PRRC2C: variants seen among roughly 807,000 people sequenced by gnomAD.
The protein encoded by PRRC2C is protein PRRC2C.
A neutral mutation model predicts 317.2 loss-of-function variants in PRRC2C; 72 were observed. That is an observed-to-expected ratio of 0.23 (90% confidence interval 0.19 to 0.28). The LOEUF is 0.28. Ranked by LOEUF, PRRC2C falls within the 10% of genes least tolerant of loss-of-function variation. The pLI is 1.00. For synonymous variants in PRRC2C, 1,296 were observed against 1,205.9 expected, an observed-to-expected ratio of 1.07 and a Z score of -1.55; for missense variants, 3,074 against 3,459.7, an observed-to-expected ratio of 0.89 and a Z score of 2.80.
Position 171,536,030 on chromosome 1 carries a change from A to T in PRRC2C, c.2045A>T (p.Glu682Val). ...SLPPRFQRQQEQMKQQQWQQQ... is the reference protein window; with the variant it reads ...SLPPRFQRQQVQMKQQQWQQQ... ...AGATATGGGATCTTACTTTTTCAGGAACAGATGAAACAGCAGCAGTGGCAG... is the reference window on the plus strand; with the variant it reads ...AGATATGGGATCTTACTTTTTCAGGTACAGATGAAACAGCAGCAGTGGCAG... The change falls in exon 14 of 35, where the codon GAA becomes GTA. Residue 682 changes from glutamate (E) to valine (V), a missense_variant and splice_region_variant. Glu to Val is a moderately radical substitution (Grantham distance 121). Coordinates refer to ENST00000647382, the MANE Select transcript of PRRC2C (RefSeq NM_001387844.1). 6.4e-7 allele frequency: 1 copy of T among 1,552,146 alleles called. No homozygotes were observed. The highest frequency in any genetic ancestry group is 8.7e-7 in the Non-Finnish European group (1 of 1,147,090).
intron 18 of PRRC2C, among the ~76,000 whole-genome samples, chr1:171,552,690 C>T (rs112869323): frequency 0.081 from 12,311 of 152,116 alleles, 1,642 homozygotes; most frequent in African/African-American, 0.28. Context: ...TGAATTTTGT[C>T]GAAGGCCTTT....
chr1:171,541,736 A>G lies in PRRC2C; in HGVS notation c.4270A>G (p.Arg1424Gly). ...TGACCCAGCTAGAGAAAGGCCTCGA[A>G]GGCAGCGTCCTACTCGACCACCAAG... ...KFDPARERPR[R>G]QRPTRPPRQD... The change falls in exon 16 of 35, where the codon AGG (arginine) becomes GGG (glycine). Residue 1424 changes from arginine to glycine, a missense_variant. This residue lies in a region of PRRC2C where 1,320 missense variants were observed against 1,395.7 expected (regional missense o/e 0.95). Coordinates refer to ENST00000647382, the MANE Select transcript of PRRC2C (RefSeq NM_001387844.1). The surrounding 1 kb of genome is among the most constrained non-coding windows in gnomAD (Gnocchi z 4.1). 6.2e-7 allele frequency: 1 copy of G among 1,614,012 alleles called. No homozygotes were observed. The highest frequency in any genetic ancestry group is 2.2e-5 in the East Asian group (1 of 44,878).
intron 20 of PRRC2C, among the ~76,000 whole-genome samples, chr1:171,565,882 T>C (rs1316906688): frequency 6.6e-6 from 1 of 152,244 alleles, no homozygotes; most frequent in Non-Finnish European, 1.5e-5. Context: ...ATTACTGTCT[T>C]TTATTTCCAG....
At chr1:171,589,656 G>A (rs989134662) in intron 34 of PRRC2C, 51 bp downstream of exon 34, 1 of 1,213,762 alleles carries the variant, frequency 8.2e-7, no homozygotes, top group African/African-American at 1.6e-5. Flanking sequence ...TCTGAACCAT[G>A]TCTTAAAATG....
rs139804355 is a variant in PRRC2C, at chr1:171,592,231, A to T, written c.*384A>T. ...GGAATAGCTCAGCCTGAACAGTGTG[A>T]TGGTCCCAGCTACTACATCAGATGC... On this transcript the variant is annotated 3_prime_UTR_variant, in exon 35 of 35. Transcript: ENST00000647382. The T allele has an allele frequency of 3.9e-3, 667 of 169,470 alleles. 5 individuals carry two copies. Among genetic ancestry groups the T allele is most frequent in the African/African-American group, 0.014 (609 of 42,088 alleles). 10.5% of individuals were successfully genotyped at this position (169,470 alleles called of 1,614,324 possible).
chr1:171,566,822 A>C lies in PRRC2C; in HGVS notation c.6537A>C (p.Ala2179=). 1.2e-6 allele frequency: 2 copies of C among 1,613,524 alleles called. No individual in the cohort carries two copies. The highest frequency in any genetic ancestry group is 1.7e-6 in the Non-Finnish European group (2 of 1,179,806). Residue 2179 remains alanine, a synonymous_variant, in exon 22 of 35, where the codon GCA becomes GCC. Transcript: ENST00000647382. ...EIGTMISVSS[A]EYGTNAKESV... is the part of the protein sequence containing the mutation. ...GAACAATGATCTCGGTATCATCTGC[A>C]GAATATGGTACTAATGCAAAGGTAA...
chr1:171,552,432 T>G (rs1370622529), intron 18 of PRRC2C, among the ~76,000 whole-genome samples: 1 of 152,212 alleles, frequency 6.6e-6, no homozygotes, highest in East Asian at 1.9e-4. Context: ...ACTTCCTCTT[T>G]TCCTAATTGA....
intron 30 of PRRC2C, among the ~76,000 whole-genome samples, chr1:171,586,448 A>G (rs1650008800): frequency 6.6e-6 from 1 of 151,640 alleles, no homozygotes; most frequent in Non-Finnish European, 1.5e-5. Flanking sequence ...GTTTTGGAGC[A>G]TTTTGGATTT....
At chr1:171,530,334 C>T (rs1675575850) in intron 11 of PRRC2C, among the ~76,000 whole-genome samples, 1 of 146,468 alleles carries the variant, frequency 6.8e-6, no homozygotes, top group South Asian at 2.2e-4. Flanking sequence ...GCCTAAACCT[C>T]CTGGGCTCAA....
At chr1:171,515,916 A>G (rs1053600697) in intron 5 of PRRC2C, 57 bp downstream of exon 5, 7 of 1,498,638 alleles carry the variant, frequency 4.7e-6, no homozygotes, top group African/African-American at 1.4e-5. Context: ...TTATCTTGCA[A>G]TACAACCTCC....
intron 18 of PRRC2C, 97 bp downstream of exon 18, chr1:171,550,337 T>A: frequency 8.8e-7 from 1 of 1,133,172 alleles, no homozygotes; most frequent in South Asian, 2.4e-5. Context: ...CAAGGCTGTT[T>A]TCATTATTCA....
At chr1:171,562,107 G>A (rs1024702994) in intron 20 of PRRC2C, among the ~76,000 whole-genome samples, 2 of 152,192 alleles carry the variant, frequency 1.3e-5, no homozygotes, top group African/African-American at 2.4e-5. Context: ...GGGTGACCAC[G>A]AAAGCCTACT....
Position 171,512,989 on chromosome 1 carries a change from C to CTTTAGTTGCAGCTCGACA in PRRC2C, c.113-4_126dup. On this transcript the variant is annotated splice_polypyrimidine_tract_variant and splice_region_variant and intron_variant, in intron 2 of 34. Coordinates refer to ENST00000647382, the MANE Select transcript of PRRC2C (RefSeq NM_001387844.1). ...TTCTAAGAAAGTTGATGTTATTGAT[C>CTTTAGTTGCAGCTCGACA]TTTAGTTGCAGCTCGACATGGATTA... The CTTTAGTTGCAGCTCGACA allele has an allele frequency of 6.3e-7, 1 of 1,594,676 alleles. No homozygotes were observed. The highest frequency in any genetic ancestry group is 8.5e-7 in the Non-Finnish European group (1 of 1,172,062).
At chr1:171,556,211 GGGCGTGGGACCTGCCGAGCCA>G (rs1259649684) in intron 18 of PRRC2C, among the ~76,000 whole-genome samples, 1 of 152,236 alleles carries the variant, frequency 6.6e-6, no homozygotes, top group Non-Finnish European at 1.5e-5. Context: ...AAGGCTCTAT[GGGCGTGGGACCTGCCGAGCCA>G]GGCGTGGGAT....
rs373856637 is a variant in PRRC2C, at chr1:171,532,396, C to T, written c.1308C>T (p.Ser436=). The part of the protein sequence containing the change: ...AVPGRPGPFP[S]KQQVADEDEI... ...CTGGAAGACCAGGCCCCTTTCCCTC[C>T]AAGCAGCAAGTAGCTGATGAAGATG... Residue 436 remains serine, a synonymous_variant, in exon 12 of 35, where the codon TCC becomes TCT. Coordinates refer to ENST00000647382, the MANE Select transcript of PRRC2C (RefSeq NM_001387844.1). The T allele has an allele frequency of 6.2e-7, 1 of 1,613,912 alleles. No individual in the cohort carries two copies. The highest frequency in any genetic ancestry group is 2.2e-5 in the East Asian group (1 of 44,874).
chr1:171,557,148 G>A (rs1681608854), intron 18 of PRRC2C, 92 bp from the exon 19 acceptor site: 35 of 1,452,966 alleles, frequency 2.4e-5, no homozygotes, highest in Non-Finnish European at 1.8e-6. Context: ...AAGTAAAGGA[G>A]CCAAGTTAGT....
In PRRC2C at chr1:171,513,024, G is replaced by A; in HGVS notation, c.142G>A (p.Gly48Arg). Residue 48 changes from glycine to arginine, a missense_variant, in exon 3 of 35, where the codon GGA (glycine) becomes AGA (arginine). Physicochemically the swap from Gly to Arg is moderately radical, Grantham distance 125. Coordinates refer to ENST00000647382, the MANE Select transcript of PRRC2C (RefSeq NM_001387844.1). The part of the protein sequence containing the change: ...VAARHGLQSL[G>R]KVGISRRMPP... ...AGCTCGACATGGATTACAGAGTCTT[G>A]GAAAAGTCGGTATTTCACGGCGTAT... The A allele has an allele frequency of 6.2e-7, 1 of 1,613,004 alleles. No homozygotes were observed. Among genetic ancestry groups the A allele is most frequent in the Non-Finnish European group, 8.5e-7 (1 of 1,179,518 alleles).
In PRRC2C at chr1:171,537,320, G is replaced by A. The variant is rs761062447; in HGVS notation, c.2351G>A (p.Ser784Asn). The change falls in exon 15 of 35, where the codon AGT becomes AAT. Residue 784 changes from serine (S) to asparagine (N), a missense_variant. This residue lies in a region of PRRC2C where 1,320 missense variants were observed against 1,395.7 expected (regional missense o/e 0.95). Transcript: ENST00000647382. ...GACCAGATGGAAGGGTCACCGAACA[G>A]TTCTGAGTCATTTGAGCATATAGCT... is the stretch of plus-strand genomic sequence containing the variant. ...RRDQMEGSPN[S>N]SESFEHIARS... 2.5e-6 allele frequency: 4 copies of A among 1,601,046 alleles called. No individual in the cohort carries two copies. Among genetic ancestry groups the A allele is most frequent in the Non-Finnish European group, 2.6e-6 (3 of 1,173,170 alleles).
At position 171,537,411 on chromosome 1, in the gene PRRC2C, TCCTCATGCTGAG is replaced by T; in HGVS notation, c.2448_2459del (p.His816_Pro819del). The T allele has an allele frequency of 2.5e-6, 4 of 1,589,608 alleles. No homozygotes were observed. Among genetic ancestry groups the T allele is most frequent in the Non-Finnish European group, 3.4e-6 (4 of 1,167,166 alleles). On this transcript the variant is annotated inframe_deletion, in exon 15 of 35. Transcript: ENST00000647382. ...GTATGCTGTGGGGGTCAGATCCCTA[TCCTCATGCTGAG>T]CCTCAACAAGCAACTACTCCCAAAG...
Sources: allele counts gnomAD v4.1 joint callset (sites outside exome capture counted in the v4.1 genomes callset), GRCh38; gene constraint gnomAD v4.1.1; regional missense constraint gnomAD v4.1.1; non-coding constraint Gnocchi (gnomAD v3.1); transcripts MANE v1.5; gene names NCBI Gene and HGNC (gene_info 2026-07-23, HGNC 2026-07-21).